The following ARHGAP24 variants were observed in gnomAD, a reference collection of about 807,000 sequenced individuals.
The protein encoded by ARHGAP24 is Rho GTPase activating protein 24.
Under a neutral mutation model 76.4 loss-of-function variants are expected in ARHGAP24, and 50 were observed. That is an observed-to-expected ratio of 0.65 (90% CI 0.52 to 0.83). The LOEUF is 0.83. Ranked by LOEUF, ARHGAP24 falls within the 40% of genes least tolerant of loss-of-function variation. The pLI is 0.00. For synonymous variants in ARHGAP24, 345 were observed against 323.3 expected (o/e 1.07, Z -0.72); for missense variants, 930 against 914.2 (o/e 1.02, Z -0.22).
intron 3 of ARHGAP24, among the ~76,000 whole-genome samples, chr4:85,825,230 T>C (rs2110128465): frequency 6.6e-6 from 1 of 152,348 alleles, no homozygotes; most frequent in Middle Eastern, 3.4e-3. Context: ...ATCTGAATAA[T>C]TGAAAACTGA....
Sources: gnomAD v4.1 joint callset for allele counts (sites outside exome capture counted in the v4.1 genomes callset) on GRCh38, gnomAD v4.1.1 for gene constraint, MANE v1.5 for transcripts, NCBI Gene and HGNC (gene_info 2026-07-23, HGNC 2026-07-21) for gene names.